The following TAFA4 variants were observed in gnomAD, a reference collection of about 807,000 sequenced individuals.
The protein encoded by TAFA4 is TAFA chemokine like family member 4.
Under a neutral mutation model 21.1 loss-of-function variants are expected in TAFA4, and 20 were observed. The observed-to-expected ratio is 0.95, with a 90% CI of 0.67 to 1.38. The LOEUF (loss-of-function observed/expected upper bound fraction) is 1.38, where lower values mean the gene tolerates loss of function less well. Among genes scored for constraint, TAFA4 ranks in the 40% most tolerant of loss-of-function variants. The probability of loss-of-function intolerance (pLI) is 0.00; values close to 1 mark genes in which losing one functional copy is unlikely to be tolerated. For synonymous variants in TAFA4, 71 were observed against 67.4 expected (o/e 1.05, Z -0.26); for missense variants, 211 against 180.9 (o/e 1.17, Z -0.95).
intron 3 of TAFA4, among the ~76,000 whole-genome samples, chr3:68,847,397 T>C (rs1704831147): frequency 6.6e-6 from 1 of 152,228 alleles, no homozygotes; most frequent in African/African-American, 2.4e-5. Context: ...CAGGTCAACT[T>C]CAGACTGCTG....
rs1293136433 is a variant in TAFA4 at position 68,752,979 on chromosome 3, G to T, written c.170C>A (p.Ala57Asp). Residue 57 changes from alanine (A) to aspartate (D), a missense_variant, in exon 4 of 6, where the codon GCC (alanine) becomes GAC (aspartate). By Grantham distance (126) the Ala-to-Asp change is moderately radical. Coordinates refer to ENST00000295569, the MANE Select transcript of TAFA4 (RefSeq NM_182522.5). ...GTTCTTATTGCAGCACCTGTGCACG[G>T]CGACCACCTCACAGGTCCCTTGCTT... ...QIKQGTCEVV[A>D]VHRCCNKNRI... The T allele has an allele frequency of 7.4e-6, 12 of 1,613,858 alleles. No homozygotes were observed. In the East Asian group the frequency reaches 1.1e-4, roughly 15 times the overall value.
chr3:68,859,690 G>A (rs1264733868), intron 3 of TAFA4, among the ~76,000 whole-genome samples: 1 of 152,140 alleles, frequency 6.6e-6, no homozygotes, highest in Non-Finnish European at 1.5e-5. Flanking sequence ...TGAACTGAAT[G>A]CCACGCAGGG....
At position 68,895,832 on chromosome 3, in the gene TAFA4, G is replaced by T. The variant is rs1460411204; in HGVS notation, c.-122-10522C>A. ...AAACAGGTAAACAAGCATAAATAAG[G>T]TTAACTGTGGACTGAGAGAAGCATT... On this transcript the variant is annotated intron_variant, in intron 1 of 5. Transcript: ENST00000295569. 4.6e-5 allele frequency among the ~76,000 whole-genome samples: 7 copies of T among 152,174 alleles called. No homozygotes were observed. In the East Asian group the frequency reaches 1.4e-3, roughly 29 times the overall value.
chr3:68,927,585 T>G (rs1000623631), intron 1 of TAFA4, among the ~76,000 whole-genome samples: 1 of 152,188 alleles, frequency 6.6e-6, no homozygotes, highest in Non-Finnish European at 1.5e-5. Context: ...AAGCTTAGTG[T>G]TTTCTCTTTG....
intron 1 of TAFA4, chr3:68,913,721 T>G (rs1407829011): frequency 6.6e-6 from 1 of 151,710 alleles, no homozygotes; most frequent in Non-Finnish European, 1.5e-5. Context: ...TTTGGAGAAA[T>G]TATCTGTTAC....
chr3:68,909,983 G>A (rs2089944431), intron 1 of TAFA4, among the ~76,000 whole-genome samples: 1 of 152,118 alleles, frequency 6.6e-6, no homozygotes, highest in Non-Finnish European at 1.5e-5. Flanking sequence ...CCTTGTGACT[G>A]TAGGACTGAG....
intron 4 of TAFA4, among the ~76,000 whole-genome samples, chr3:68,746,322 A>C (rs1702457402): frequency 6.6e-6 from 1 of 150,622 alleles, no homozygotes; most frequent in South Asian, 2.1e-4. Flanking sequence ...TCCCCTTCAT[A>C]TATACATCTA....
chr3:68,899,812 A>G (rs141984353), intron 1 of TAFA4, among the ~76,000 whole-genome samples: 1 of 152,320 alleles, frequency 6.6e-6, no homozygotes, highest in African/African-American at 2.4e-5. Flanking sequence ...CCTTCAAGGT[A>G]TTAAATGTAC....
At chr3:68,875,148 T>C (rs7628463) in intron 3 of TAFA4, among the ~76,000 whole-genome samples, 151,073 of 152,238 alleles carry the variant, frequency 0.99, 74,974 homozygotes, top group Middle Eastern at 1. Context: ...TCAGCCTAAC[T>C]ATGTCATAGC....
chr3:68,763,413 G>GT (rs1278977280), intron 3 of TAFA4, among the ~76,000 whole-genome samples: 1 of 152,010 alleles, frequency 6.6e-6, no homozygotes, highest in Non-Finnish European at 1.5e-5. Flanking sequence ...AAGATATAAT[G>GT]TATTTCCTAA....
chr3:68,806,680 T>C (rs1703707011), intron 3 of TAFA4, among the ~76,000 whole-genome samples: 1 of 151,998 alleles, frequency 6.6e-6, no homozygotes, highest in Non-Finnish European at 1.5e-5. Flanking sequence ...TGGGAGGTAA[T>C]TAGAATTAGA....
chr3:68,851,185 C>T (rs993200074), intron 3 of TAFA4, among the ~76,000 whole-genome samples: 2 of 152,102 alleles, frequency 1.3e-5, no homozygotes, highest in African/African-American at 4.8e-5. Context: ...AGATCATGTC[C>T]TTTACAGGGA....
intron 3 of TAFA4, among the ~76,000 whole-genome samples, chr3:68,799,545 A>T (rs564137109): frequency 6.6e-6 from 1 of 152,188 alleles, no homozygotes; most frequent in Non-Finnish European, 1.5e-5. Context: ...AGTTGTGATT[A>T]AATCAAGGAG....
chr3:68,814,649 C>T (rs964700238), intron 3 of TAFA4, among the ~76,000 whole-genome samples: 10 of 152,046 alleles, frequency 6.6e-5, no homozygotes, highest in African/African-American at 2.4e-4. Context: ...AACCACTGCT[C>T]AATGAAATAA....
intron 3 of TAFA4, among the ~76,000 whole-genome samples, chr3:68,762,358 A>G (rs1188484679): frequency 1.3e-5 from 2 of 152,210 alleles, no homozygotes; most frequent in Non-Finnish European, 2.9e-5. Context: ...TGCCACCAAT[A>G]GGATAGACAG....
rs772440946 is a variant in TAFA4 at position 68,885,152 on chromosome 3, G to C, written c.14+23C>G. The stretch of plus-strand genomic sequence containing the variant: ...ATACTTTGTAAAGATATCATGTCCA[G>C]GTGAACGTTAAAATAATCTTACCTT... On this transcript the variant is annotated intron_variant, in intron 2 of 5. Coordinates refer to ENST00000295569, the MANE Select transcript of TAFA4 (RefSeq NM_182522.5). 7 of 1,610,850 alleles carry C rather than the reference G, an allele frequency of 4.3e-6. No homozygotes were observed. The African/African-American group carries it at 9.4e-5, about 22-fold the overall frequency.
intron 1 of TAFA4, among the ~76,000 whole-genome samples, chr3:68,901,104 G>T (rs1188109573): frequency 6.6e-6 from 1 of 152,126 alleles, no homozygotes; most frequent in Non-Finnish European, 1.5e-5. Flanking sequence ...GAGGTATGAG[G>T]TGGCCAGCTT....
At chr3:68,910,234 G>C (rs1162176984) in intron 1 of TAFA4, among the ~76,000 whole-genome samples, 2 of 152,222 alleles carry the variant, frequency 1.3e-5, no homozygotes. Context: ...CCCATCTCAA[G>C]GGGAGGTGAT....
At chr3:68,783,906 C>T (rs765262881) in intron 3 of TAFA4, among the ~76,000 whole-genome samples, 1 of 151,826 alleles carries the variant, frequency 6.6e-6, no homozygotes, top group African/African-American at 2.4e-5. Flanking sequence ...TTATAATGAC[C>T]CTGTTTACTC....
Sources: gnomAD v4.1 joint callset for allele counts (sites outside exome capture counted in the v4.1 genomes callset) on GRCh38, gnomAD v4.1.1 for gene constraint, MANE v1.5 for transcripts, NCBI Gene and HGNC (gene_info 2026-07-23, HGNC 2026-07-21) for gene names.